The following TXNDC16 variants were observed in gnomAD, a reference collection of about 807,000 sequenced individuals.
TXNDC16 encodes thioredoxin domain containing 16, also known as thioredoxin domain-containing protein 16.
TXNDC16 carries 74 observed loss-of-function variants against 85.6 expected under a neutral mutation model. The observed-to-expected ratio is 0.86, with a 90% CI of 0.72 to 1.05. TXNDC16 has a LOEUF of 1.05. TXNDC16 is among the 50% of genes least tolerant of loss of function. TXNDC16 has a pLI of 0.00. For missense variants in TXNDC16, 959 were observed against 947.0 expected, an observed-to-expected ratio of 1.01 and a Z score of -0.17; for synonymous variants, 335 against 326.5, an observed-to-expected ratio of 1.03 and a Z score of -0.28.
intron 18 of TXNDC16, among the ~76,000 whole-genome samples, chr14:52,441,562 T>C (rs1490555241): frequency 1.3e-5 from 2 of 151,864 alleles, no homozygotes; most frequent in African/African-American, 2.4e-5. Flanking sequence ...TGAGCCGAGA[T>C]TGTTCCACAG....
At chr14:52,432,742 C>T (rs1020030055) in intron 20 of TXNDC16, among the ~76,000 whole-genome samples, 155 bp from the exon 21 acceptor site, 6 of 152,100 alleles carry the variant, frequency 3.9e-5, no homozygotes, top group African/African-American at 1.4e-4. Flanking sequence ...TTTTTACTGT[C>T]ATTGTCAACA....
intron 9 of TXNDC16, among the ~76,000 whole-genome samples, chr14:52,498,405 TCACACACACACACACACA>T (rs140586435): frequency 6.8e-6 from 1 of 146,208 alleles, no homozygotes; most frequent in African/African-American, 2.5e-5. Flanking sequence ...ACCCTAAAGA[TCACACACACACACACACA>T]CACACACACA....
Position 52,482,297 on chromosome 14 carries a change from A to G in TXNDC16, c.1253-8T>C. ...CCATGGATACTGCTTGCCCTATATG[A>G]AAATTAAAAATTCAACAGATATTAC... On this transcript the variant is annotated splice_polypyrimidine_tract_variant and splice_region_variant and intron_variant, in intron 13 of 20. Coordinates refer to ENST00000281741, the MANE Select transcript of TXNDC16 (RefSeq NM_020784.3). The G allele has an allele frequency of 6.2e-7, 1 of 1,608,850 alleles. No homozygotes were observed. The highest frequency in any genetic ancestry group is 8.5e-7 in the Non-Finnish European group (1 of 1,177,438).
intron 14 of TXNDC16, among the ~76,000 whole-genome samples, chr14:52,471,188 A>G (rs1307637242): frequency 1.3e-5 from 2 of 152,176 alleles, no homozygotes; most frequent in African/African-American, 2.4e-5. Context: ...ACAAAGCATC[A>G]TCTTTCATAC....
intron 14 of TXNDC16, 36 bp from the exon 15 acceptor site, chr14:52,470,716 A>G: frequency 6.4e-7 from 1 of 1,553,702 alleles, no homozygotes; most frequent in Non-Finnish European, 8.7e-7. Context: ...GTAATTACTA[A>G]TTGTAGAAAA....
At chr14:52,467,951 T>C (rs752472601) in intron 16 of TXNDC16, among the ~76,000 whole-genome samples, 4 of 152,152 alleles carry the variant, frequency 2.6e-5, no homozygotes, top group Admixed American at 6.5e-5. Context: ...CACTACAATA[T>C]AGATGAACCC....
chr14:52,528,361 G>T (rs552947828), intron 6 of TXNDC16, among the ~76,000 whole-genome samples: 1 of 152,074 alleles, frequency 6.6e-6, no homozygotes, highest in Non-Finnish European at 1.5e-5. Flanking sequence ...CAAGTATTTT[G>T]AGAACAATCC....
intron 4 of TXNDC16, among the ~76,000 whole-genome samples, chr14:52,541,204 CCAG>C (rs2037823518): frequency 1.3e-5 from 2 of 151,780 alleles, no homozygotes; most frequent in South Asian, 2.1e-4. Flanking sequence ...CCATTGCACT[CCAG>C]CCTGGGCGAC....
chr14:52,457,324 C>T (rs75363086), intron 16 of TXNDC16, 150 bp from the exon 17 acceptor site: 43,989 of 475,702 alleles, frequency 0.092, 2,280 homozygotes, highest in East Asian at 0.14. Flanking sequence ...TTAGTGGTTC[C>T]AAAATAAATC....
chr14:52,461,373 T>C (rs2035648475), intron 16 of TXNDC16, among the ~76,000 whole-genome samples: 3 of 150,904 alleles, frequency 2.0e-5, no homozygotes, highest in Non-Finnish European at 4.4e-5. Flanking sequence ...TTTTATATCA[T>C]GTAAAAATAA....
intron 9 of TXNDC16, among the ~76,000 whole-genome samples, chr14:52,494,110 G>A (rs2036477431): frequency 6.6e-6 from 1 of 151,702 alleles, no homozygotes; most frequent in Non-Finnish European, 1.5e-5. Context: ...CCATAGGTAA[G>A]TATAGGATTC....
intron 9 of TXNDC16, among the ~76,000 whole-genome samples, chr14:52,502,822 T>C (rs1412858744): frequency 6.6e-6 from 1 of 152,186 alleles, no homozygotes. Context: ...TTCCCTTTCC[T>C]AGCCAAGAAA....
At chr14:52,549,696 G>A (rs909982727) in intron 1 of TXNDC16, among the ~76,000 whole-genome samples, 9 of 149,736 alleles carry the variant, frequency 6.0e-5, no homozygotes, top group African/African-American at 2.2e-4. Flanking sequence ...GGAATGCAGT[G>A]GTGCAATCTC....
At chr14:52,443,271 C>A (rs954179406) in intron 18 of TXNDC16, among the ~76,000 whole-genome samples, 5 of 152,126 alleles carry the variant, frequency 3.3e-5, no homozygotes, top group Non-Finnish European at 7.4e-5. Context: ...ATGCTTCCTG[C>A]CCTCGAACAT....
At chr14:52,493,216 T>TATATATACACACACACACACAC in intron 9 of TXNDC16, among the ~76,000 whole-genome samples, 19 of 115,938 alleles carry the variant, frequency 1.6e-4, no homozygotes, top group African/African-American at 6.7e-4. Flanking sequence ...TATATATATA[T>TATATATACACACACACACACAC]ACACACACAC....
chr14:52,518,005 C>CCTAG (rs2037125058), intron 7 of TXNDC16, among the ~76,000 whole-genome samples: 1 of 152,194 alleles, frequency 6.6e-6, no homozygotes, highest in East Asian at 1.9e-4. Context: ...ATAATGGCCA[C>CCTAG]TTGGCACTTC....
intron 6 of TXNDC16, among the ~76,000 whole-genome samples, chr14:52,530,471 ATTATT>A (rs1566582825): frequency 8.3e-5 from 1 of 11,982 alleles, no homozygotes; most frequent in Non-Finnish European, 1.3e-4. Context: ...TATATTATAT[ATTATT>A]ATATATAATA....
intron 9 of TXNDC16, among the ~76,000 whole-genome samples, chr14:52,500,308 C>A (rs1465367353): frequency 1.3e-5 from 2 of 152,198 alleles, no homozygotes; most frequent in Non-Finnish European, 2.9e-5. Flanking sequence ...TACACTACAA[C>A]ATGGATGAAC....
chr14:52,527,776 A>C (rs1327297343), intron 6 of TXNDC16, among the ~76,000 whole-genome samples: 1 of 152,152 alleles, frequency 6.6e-6, no homozygotes, highest in Non-Finnish European at 1.5e-5. Flanking sequence ...TATAACATAT[A>C]TATATTACAC....
Sources: gnomAD v4.1 joint callset for allele counts (sites outside exome capture counted in the v4.1 genomes callset) on GRCh38, gnomAD v4.1.1 for gene constraint, MANE v1.5 for transcripts, NCBI Gene and HGNC (gene_info 2026-07-23, HGNC 2026-07-21) for gene names.